The following ADAMTS3 variants were observed in gnomAD, a reference collection of about 807,000 sequenced individuals.
ADAMTS3 encodes the protein A disintegrin and metalloproteinase with thrombospondin motifs 3.
Under a neutral mutation model 129.0 loss-of-function variants are expected in ADAMTS3, and 73 were observed. That is an observed-to-expected ratio of 0.57 (90% CI 0.47 to 0.69). The LOEUF (loss-of-function observed/expected upper bound fraction) is 0.69. Among genes scored for constraint, ADAMTS3 ranks in the 30% least tolerant of loss-of-function variants. The probability of loss-of-function intolerance (pLI) is 0.00; values close to 1 mark genes in which losing one functional copy is unlikely to be tolerated. For missense variants in ADAMTS3, 1,457 were observed against 1,514.5 expected (o/e 0.96, Z 0.63); for synonymous variants, 477 against 510.8 (o/e 0.93, Z 0.89).
At position 72,517,127 on chromosome 4, in the gene ADAMTS3, G is replaced by C. The variant is rs1252470964; in HGVS notation, c.504+31351C>G. The stretch of plus-strand genomic sequence containing the variant: ...TTTTGTCTTTGGTTCTGTTTATATG[G>C]TGGATTACATTTATTGATTTGCATA... On this transcript the variant is annotated intron_variant, in intron 3 of 21. Transcript: ENST00000286657. 5.3e-3 allele frequency among the ~76,000 whole-genome samples: 809 copies of C among 151,364 alleles called. 8 individuals are homozygous for C. The highest frequency in any genetic ancestry group is 0.015 in the African/African-American group (628 of 40,970).
At chr4:72,549,993 AGG>A (rs1209192800) in intron 2 of ADAMTS3, among the ~76,000 whole-genome samples, 101 of 8,216 alleles carry the variant, frequency 0.012, 14 homozygotes, top group African/African-American at 0.026. Context: ...GAAGAAGAAG[AGG>A]AAGAGGAAGA....
intron 4 of ADAMTS3, among the ~76,000 whole-genome samples, chr4:72,343,959 G>T (rs1578599643): frequency 6.6e-6 from 1 of 152,078 alleles, no homozygotes; most frequent in Non-Finnish European, 1.5e-5. Flanking sequence ...TTACTGATGT[G>T]CATTAATTAA....
chr4:72,557,165 T>C (rs1230048918), intron 2 of ADAMTS3, among the ~76,000 whole-genome samples: 2 of 151,840 alleles, frequency 1.3e-5, no homozygotes, highest in African/African-American at 4.9e-5. Context: ...GAATAAGCAT[T>C]TTCAAGATCA....
At chr4:72,415,026 C>A in intron 3 of ADAMTS3, 55 bp from the exon 4 acceptor site, 1 of 1,209,878 alleles carries the variant, frequency 8.3e-7, no homozygotes, top group Non-Finnish European at 1.1e-6. Context: ...TCATCTTCAG[C>A]TCACAAGCAC....
intron 21 of ADAMTS3, among the ~76,000 whole-genome samples, chr4:72,288,512 A>T (rs1260837236): frequency 2.0e-5 from 3 of 152,194 alleles, no homozygotes; most frequent in Non-Finnish European, 4.4e-5. Flanking sequence ...CACAGCCCTC[A>T]CTCCAATGCC....
At chr4:72,315,772 A>C in intron 11 of ADAMTS3, 86 bp downstream of exon 11, 1 of 823,962 alleles carries the variant, frequency 1.2e-6, no homozygotes, top group South Asian at 1.8e-5. Flanking sequence ...ATGACAGTGC[A>C]GCTGTGTTTA....
At chr4:72,385,282 T>C (rs1721417034) in intron 4 of ADAMTS3, among the ~76,000 whole-genome samples, 1 of 151,874 alleles carries the variant, frequency 6.6e-6, no homozygotes, top group Non-Finnish European at 1.5e-5. Flanking sequence ...TAAGGACACC[T>C]GAAAATTCAA....
intron 3 of ADAMTS3, among the ~76,000 whole-genome samples, chr4:72,517,976 T>C (rs995007615): frequency 5.3e-5 from 8 of 151,900 alleles, no homozygotes; most frequent in African/African-American, 1.4e-4. Flanking sequence ...GGGCATTTAG[T>C]GCTATAAATT....
rs765743166 is a variant in ADAMTS3 at position 72,319,493 on chromosome 4, CT to C, written c.1209-19del. The C allele has an allele frequency of 3.4e-5, 54 of 1,600,026 alleles. No homozygotes were observed. In the Admixed American group the frequency reaches 9.3e-4, roughly 28 times the overall value. On this transcript the variant is annotated intron_variant, in intron 8 of 21. Coordinates refer to ENST00000286657, the MANE Select transcript of ADAMTS3 (RefSeq NM_014243.3). The stretch of plus-strand genomic sequence containing the variant: ...TTCCCAACCTAGAACACAAAGAGAC[CT>C]CAGTGGTAAGAATCAGGGGCTACTG...
At chr4:72,366,963 G>T (rs1720885193) in intron 4 of ADAMTS3, among the ~76,000 whole-genome samples, 3 of 148,266 alleles carry the variant, frequency 2.0e-5, no homozygotes, top group Non-Finnish European at 1.5e-5. Flanking sequence ...ATCCTCTTTT[G>T]CTCTCCTCTC....
intron 3 of ADAMTS3, among the ~76,000 whole-genome samples, chr4:72,440,529 C>T (rs1718085022): frequency 6.6e-6 from 1 of 151,748 alleles, no homozygotes; most frequent in South Asian, 2.1e-4. Flanking sequence ...AGCCCAAAAC[C>T]ACTTCATCTC....
At chr4:72,329,750 TG>T (rs1237051195) in intron 5 of ADAMTS3, among the ~76,000 whole-genome samples, 1 of 146,666 alleles carries the variant, frequency 6.8e-6, no homozygotes, top group East Asian at 2.0e-4. Flanking sequence ...CTTTCTTTCA[TG>T]AAAAAAAAAA....
At chr4:72,337,811 C>T (rs1486076761) in intron 5 of ADAMTS3, among the ~76,000 whole-genome samples, 1 of 151,908 alleles carries the variant, frequency 6.6e-6, no homozygotes, top group African/African-American at 2.4e-5. Flanking sequence ...TCTAATTTTC[C>T]CATGTATTTA....
At chr4:72,523,349 A>G (rs2109745997) in intron 3 of ADAMTS3, among the ~76,000 whole-genome samples, 1 of 152,198 alleles carries the variant, frequency 6.6e-6, no homozygotes, top group Non-Finnish European at 1.5e-5. Context: ...CACAATTAAC[A>G]TCAAAAGAAC....
At chr4:72,471,001 CA>C (rs373889939) in intron 3 of ADAMTS3, among the ~76,000 whole-genome samples, 12 of 152,222 alleles carry the variant, frequency 7.9e-5, no homozygotes, top group African/African-American at 2.6e-4. Context: ...ATCACTTGCA[CA>C]AATGTTTGAG....
At chr4:72,472,547 T>C (rs1719100102) in intron 3 of ADAMTS3, among the ~76,000 whole-genome samples, 1 of 152,128 alleles carries the variant, frequency 6.6e-6, no homozygotes, top group South Asian at 2.1e-4. Context: ...ATGTTATGAA[T>C]TGCTTTTAAG....
chr4:72,500,460 A>T (rs139102455), intron 3 of ADAMTS3, among the ~76,000 whole-genome samples: 170 of 151,954 alleles, frequency 1.1e-3, no homozygotes, highest in Non-Finnish European at 1.3e-3. Flanking sequence ...TTTTAAGTGG[A>T]GTTACTTGCT....
intron 4 of ADAMTS3, among the ~76,000 whole-genome samples, chr4:72,374,135 T>C (rs1377845020): frequency 1.3e-5 from 2 of 151,970 alleles, no homozygotes; most frequent in Non-Finnish European, 2.9e-5. Context: ...AATAAACAAG[T>C]TTTTGAAGCT....
At chr4:72,542,443 C>T (rs1721358036) in intron 3 of ADAMTS3, among the ~76,000 whole-genome samples, 1 of 152,202 alleles carries the variant, frequency 6.6e-6, no homozygotes, top group African/African-American at 2.4e-5. Context: ...GGATTACAGG[C>T]ATGAGCCACT....
Sources: gnomAD v4.1 joint callset for allele counts (sites outside exome capture counted in the v4.1 genomes callset) on GRCh38, gnomAD v4.1.1 for gene constraint, MANE v1.5 for transcripts, NCBI Gene and HGNC (gene_info 2026-07-23, HGNC 2026-07-21) for gene names.